The following FNDC3B variants were observed in gnomAD, a reference collection of about 807,000 sequenced individuals.
FNDC3B encodes the protein fibronectin type III domain-containing protein 3B.
FNDC3B carries 12 observed loss-of-function variants against 151.5 expected under a neutral mutation model. The ratio of observed to expected loss-of-function variants is 0.08; its 90% confidence interval spans 0.05 to 0.13. The LOEUF (loss-of-function observed/expected upper bound fraction) is 0.13. FNDC3B is among the 10% of genes least tolerant of loss of function. FNDC3B has a pLI of 1.00. For missense variants in FNDC3B, 1,214 were observed against 1,505.3 expected (o/e 0.81, Z 3.20); for synonymous variants, 528 against 549.0 (o/e 0.96, Z 0.54).
intron 23 of FNDC3B, among the ~76,000 whole-genome samples, chr3:172,371,149 C>A (rs768112893): frequency 6.6e-6 from 1 of 152,042 alleles, no homozygotes; most frequent in Non-Finnish European, 1.5e-5. Flanking sequence ...ATGGAAGCTC[C>A]AGTCCCTTAT....
intron 1 of FNDC3B, among the ~76,000 whole-genome samples, chr3:172,048,890 A>G (rs1321464406): frequency 1.3e-5 from 2 of 152,206 alleles, no homozygotes; most frequent in Non-Finnish European, 2.9e-5. Context: ...ATCCACTTGC[A>G]TGAGATGACT....
intron 2 of FNDC3B, among the ~76,000 whole-genome samples, chr3:172,113,787 C>G (rs753879364): frequency 2.2e-4 from 34 of 152,106 alleles, no homozygotes; most frequent in Non-Finnish European, 2.1e-4. Flanking sequence ...GTCCCTTTTT[C>G]CCTCTTTGGC....
intron 2 of FNDC3B, among the ~76,000 whole-genome samples, chr3:172,117,604 T>A (rs756679468): frequency 6.6e-6 from 1 of 152,352 alleles, no homozygotes; most frequent in South Asian, 2.1e-4. Context: ...TTTGTTAATT[T>A]AACGTGATAC....
chr3:172,199,014 A>C (rs1441620149), intron 3 of FNDC3B, among the ~76,000 whole-genome samples: 3 of 151,490 alleles, frequency 2.0e-5, no homozygotes, highest in South Asian at 2.1e-4. Context: ...TTTTTTGTAG[A>C]TACAGGGTCT....
rs913326011 is a variant in FNDC3B at position 172,256,149 on chromosome 3, T to A, written c.790+4608T>A. ...CTCACCTCTTGTGGCCCTTCACATT[T>A]CCCCACCAGACATGCGGTGTTCTGC... On this transcript the variant is annotated intron_variant, in intron 6 of 25. Transcript: ENST00000415807. Among the ~76,000 whole-genome samples, 7 of 152,216 alleles carry A rather than the reference T, an allele frequency of 4.6e-5. No homozygotes were observed. The South Asian group carries it at 8.3e-4, about 18-fold the overall frequency.
At chr3:172,314,281 C>T (rs1731668495) in intron 11 of FNDC3B, among the ~76,000 whole-genome samples, 1 of 152,148 alleles carries the variant, frequency 6.6e-6, no homozygotes, top group Non-Finnish European at 1.5e-5. Flanking sequence ...ATAAACCTGT[C>T]TGCCATCCAG....
chr3:172,392,876 G>A (rs544309168), intron 25 of FNDC3B, among the ~76,000 whole-genome samples: 32 of 129,500 alleles, frequency 2.5e-4, no homozygotes, highest in Admixed American at 1.9e-3. Context: ...GCACAATCTC[G>A]GCTCACTAAA....
intron 3 of FNDC3B, among the ~76,000 whole-genome samples, chr3:172,172,854 G>C (rs1480155491): frequency 6.6e-6 from 1 of 152,052 alleles, no homozygotes; most frequent in Non-Finnish European, 1.5e-5. Flanking sequence ...CATATTCTTC[G>C]ACATTTCCTC....
intron 22 of FNDC3B, among the ~76,000 whole-genome samples, chr3:172,354,208 C>T (rs1733981713): frequency 6.6e-6 from 1 of 152,012 alleles, no homozygotes; most frequent in South Asian, 2.1e-4. Context: ...GACAGTTTTA[C>T]ATACCCATTT....
chr3:172,346,571 A>G (rs1428113993), intron 20 of FNDC3B, 131 bp downstream of exon 20: 2 of 500,312 alleles, frequency 4.0e-6, no homozygotes, highest in Non-Finnish European at 6.9e-6. Context: ...TGCTCTGTGT[A>G]CTATAGTAAT....
At chr3:172,147,960 A>T (rs1468741023) in intron 3 of FNDC3B, among the ~76,000 whole-genome samples, 2 of 151,920 alleles carry the variant, frequency 1.3e-5, no homozygotes, top group African/African-American at 4.8e-5. Flanking sequence ...CAAAGATAGA[A>T]TTTTTTTCTT....
chr3:172,125,352 C>T (rs1448701617), intron 2 of FNDC3B, among the ~76,000 whole-genome samples: 2 of 152,092 alleles, frequency 1.3e-5, no homozygotes, highest in Non-Finnish European at 1.5e-5. Context: ...CAGCGGCTCC[C>T]TTTTTTCCTT....
intron 11 of FNDC3B, among the ~76,000 whole-genome samples, chr3:172,319,237 A>T (rs74987318): frequency 6.6e-6 from 1 of 152,266 alleles, no homozygotes; most frequent in East Asian, 1.9e-4. Flanking sequence ...AGGTGGATGG[A>T]CCAACCCCAT....
chr3:172,061,875 A>C (rs1362556435), intron 1 of FNDC3B, among the ~76,000 whole-genome samples: 2 of 152,222 alleles, frequency 1.3e-5, no homozygotes, highest in Non-Finnish European at 2.9e-5. Context: ...AAAGAACCAA[A>C]GAGATCTCTG....
intron 2 of FNDC3B, among the ~76,000 whole-genome samples, chr3:172,124,364 T>G (rs1438559960): frequency 6.6e-6 from 1 of 152,222 alleles, no homozygotes; most frequent in Non-Finnish European, 1.5e-5. Flanking sequence ...GTGCTGGGAT[T>G]TCGGGCGTGA....
chr3:172,370,890 A>G (rs917872291), intron 23 of FNDC3B, among the ~76,000 whole-genome samples: 2 of 152,212 alleles, frequency 1.3e-5, no homozygotes, highest in African/African-American at 4.8e-5. Context: ...AGCCTTTTCT[A>G]TTATCAGCAT....
chr3:172,392,822 T>TTTTTTTC (rs373697758), intron 25 of FNDC3B, among the ~76,000 whole-genome samples: 4 of 142,288 alleles, frequency 2.8e-5, no homozygotes, highest in Admixed American at 7.5e-5. Flanking sequence ...TTTTTTTTTT[T>TTTTTTTC]CAGACAGAGA....
intron 11 of FNDC3B, among the ~76,000 whole-genome samples, chr3:172,322,226 G>A (rs1022463354): frequency 2.0e-5 from 3 of 152,304 alleles, no homozygotes; most frequent in South Asian, 2.1e-4. Flanking sequence ...TTCTGGCAGT[G>A]TTTTCACTCA....
intron 25 of FNDC3B, among the ~76,000 whole-genome samples, chr3:172,389,327 A>G (rs1735885680): frequency 1.3e-5 from 2 of 152,206 alleles, no homozygotes; most frequent in African/African-American, 4.8e-5. Context: ...TTACTCTAAA[A>G]AAATCTTCAC....
Sources: allele counts gnomAD v4.1 joint callset (sites outside exome capture counted in the v4.1 genomes callset), GRCh38; gene constraint gnomAD v4.1.1; transcripts MANE v1.5; gene names NCBI Gene and HGNC (gene_info 2026-07-23, HGNC 2026-07-21).